Variants in TSEN15 observed in about 807,000 individuals in gnomAD.
The protein encoded by TSEN15 is tRNA-splicing endonuclease subunit Sen15.
TSEN15 carries 10 observed loss-of-function variants against 20.5 expected under a neutral mutation model. That is an observed-to-expected ratio of 0.49 (90% confidence interval 0.30 to 0.83). The LOEUF is 0.83. Ranked by LOEUF, TSEN15 falls within the 40% of genes least tolerant of loss-of-function variation. TSEN15 has a pLI of 0.06. For missense variants in TSEN15, 180 were observed against 218.6 expected, an observed-to-expected ratio of 0.82 and a Z score of 1.11; for synonymous variants, 72 against 80.1, an observed-to-expected ratio of 0.90 and a Z score of 0.54.
Position 184,072,844 on chromosome 1 carries a change from A to G in TSEN15, c.513A>G (p.Arg171=), listed in dbSNP as rs1244558468. 2 of 1,606,376 alleles carry G rather than the reference A, an allele frequency of 1.2e-6. No homozygotes were observed. The highest frequency in any genetic ancestry group is 8.5e-7 in the Non-Finnish European group (1 of 1,177,582). The change falls in exon 5 of 5, where the codon AGA becomes AGG. Residue 171 remains arginine (R), a synonymous_variant. Coordinates refer to ENST00000645668, the MANE Select transcript of TSEN15 (RefSeq NM_052965.4). The stretch of plus-strand genomic sequence containing the variant: ...TTTTCCAGAATATTTCTCTTAGAAG[A>G]TGACATCCATGTTTCCTGATGCTTG... ...LPDPQNISLR[R]
At chr1:184,085,048 A>G (rs1651235915) in intron 3 of TSEN15, among the ~76,000 whole-genome samples, 1 of 152,108 alleles carries the variant, frequency 6.6e-6, no homozygotes, top group Non-Finnish European at 1.5e-5. Flanking sequence ...TTGCATAGGA[A>G]TAAGATAAAC....
downstream of TSEN15, among the ~76,000 whole-genome samples, chr1:184,075,562 T>C (rs565310430): frequency 6.6e-6 from 1 of 152,222 alleles, no homozygotes; most frequent in South Asian, 2.1e-4. Context: ...TGTCTGATTA[T>C]ATAATGGCTT....
chr1:184,051,954 G>C, intron 1 of TSEN15, 64 bp downstream of exon 1: 3 of 1,362,056 alleles, frequency 2.2e-6, no homozygotes, highest in African/African-American at 1.5e-5. Flanking sequence ...ACACTCCCAG[G>C]CAGCTCTCTT....
intron 1 of TSEN15, among the ~76,000 whole-genome samples, chr1:184,052,730 C>T (rs1650100685): frequency 6.6e-6 from 1 of 152,122 alleles, no homozygotes; most frequent in African/African-American, 2.4e-5. Context: ...TACTCTGTCC[C>T]CTTCATCCTC....
chr1:184,067,941 A>T (rs867249191), intron 3 of TSEN15, among the ~76,000 whole-genome samples: 227 of 95,542 alleles, frequency 2.4e-3, no homozygotes, highest in Admixed American at 4.1e-3. Flanking sequence ...AAAAAAAAAA[A>T]ATATATATAT....
intron 1 of TSEN15, among the ~76,000 whole-genome samples, chr1:184,053,701 G>T (rs981089651): frequency 1.1e-4 from 17 of 152,188 alleles, no homozygotes; most frequent in African/African-American, 4.1e-4. Context: ...CTGACCAGTA[G>T]TCTGAAAGAA....
At chr1:184,080,332 G>C (rs1047898207) in intron 3 of TSEN15, among the ~76,000 whole-genome samples, 2 of 152,192 alleles carry the variant, frequency 1.3e-5, no homozygotes, top group Non-Finnish European at 2.9e-5. Flanking sequence ...GGCACAAGTG[G>C]TTAAGTAATA....
At chr1:184,067,071 T>G (rs1198816453) in intron 3 of TSEN15, among the ~76,000 whole-genome samples, 1 of 152,258 alleles carries the variant, frequency 6.6e-6, no homozygotes, top group Non-Finnish European at 1.5e-5. Flanking sequence ...CAATTGTTTA[T>G]TGCTGATATA....
intron 3 of TSEN15, among the ~76,000 whole-genome samples, chr1:184,081,512 A>G (rs946319743): frequency 1.3e-5 from 2 of 152,198 alleles, no homozygotes; most frequent in African/African-American, 4.8e-5. Context: ...ACCTCAAGAA[A>G]GAGGGGAAGT....
chr1:184,053,040 A>G (rs1055613694), intron 1 of TSEN15, among the ~76,000 whole-genome samples: 2 of 152,228 alleles, frequency 1.3e-5, no homozygotes, highest in African/African-American at 4.8e-5. Flanking sequence ...AAAGCACTAT[A>G]TAAGTACTTA....
Position 184,082,372 on chromosome 1 carries a change from G to C in TSEN15, c.354-13318G>C, listed in dbSNP as rs181887807. 1.2e-3 allele frequency among the ~76,000 whole-genome samples: 185 copies of C among 152,088 alleles called. 1 individual carries two copies. The highest frequency in any genetic ancestry group is 4.2e-3 in the African/African-American group (173 of 41,480). ...GTTGGGGAACTTTCAGGCTGTTTTG[G>C]GTCCTCTCCATCTAGATACACTTTC... On this transcript the variant is annotated intron_variant, in intron 3 of 3. Coordinates refer to the TSEN15 transcript ENST00000643231.
intron 3 of TSEN15, 153 bp downstream of exon 3, chr1:184,055,016 A>T (rs942764126): frequency 1.2e-6 from 1 of 806,124 alleles, no homozygotes; most frequent in Non-Finnish European, 1.9e-6. Flanking sequence ...TGAGTGTTGT[A>T]TTCGGCCATT....
At chr1:184,079,674 C>A (rs1450888124) in intron 3 of TSEN15, among the ~76,000 whole-genome samples, 1 of 152,134 alleles carries the variant, frequency 6.6e-6, no homozygotes, top group Non-Finnish European at 1.5e-5. Flanking sequence ...AGGGCCCCAT[C>A]CTTATGACAT....
At chr1:184,077,441 A>G (rs1471359637), downstream of TSEN15, among the ~76,000 whole-genome samples, 2 of 152,178 alleles carry the variant, frequency 1.3e-5, no homozygotes, top group African/African-American at 4.8e-5. Flanking sequence ...GACATATACA[A>G]GGAGATTAAT....
At chr1:184,088,575 TGTTTTTTGTA>T (rs1355666103) in intron 3 of TSEN15, among the ~76,000 whole-genome samples, 4 of 135,796 alleles carry the variant, frequency 2.9e-5, no homozygotes, top group Non-Finnish European at 1.6e-5. Flanking sequence ...AAGAAAAAAA[TGTTTTTTGTA>T]TTTTTTTTTT....
chr1:184,052,367 T>G (rs1229901763), intron 1 of TSEN15, among the ~76,000 whole-genome samples: 1 of 152,164 alleles, frequency 6.6e-6, no homozygotes, highest in Non-Finnish European at 1.5e-5. Context: ...TTCCTAATAT[T>G]TCAGATTTCT....
At chr1:184,087,298 CTT>C (rs1651278820) in intron 3 of TSEN15, among the ~76,000 whole-genome samples, 1 of 152,072 alleles carries the variant, frequency 6.6e-6, no homozygotes, top group Admixed American at 6.6e-5. Flanking sequence ...ATTTTAGACT[CTT>C]TTTTCTTTTT....
intron 3 of TSEN15, chr1:184,070,615 G>A: frequency 3.2e-6 from 4 of 1,243,850 alleles, no homozygotes; most frequent in Non-Finnish European, 4.2e-6. Flanking sequence ...TATTAATTTA[G>A]ATATTGGCGT....
chr1:184,053,490 A>T (rs562261655), intron 1 of TSEN15, among the ~76,000 whole-genome samples: 9 of 152,334 alleles, frequency 5.9e-5, no homozygotes, highest in Admixed American at 2.0e-4. Context: ...TGAAGTCGAC[A>T]ACTAATTAAC....
Sources: gnomAD v4.1 joint callset for allele counts (sites outside exome capture counted in the v4.1 genomes callset) on GRCh38, gnomAD v4.1.1 for gene constraint, MANE v1.5 for transcripts, NCBI Gene and HGNC (gene_info 2026-07-23, HGNC 2026-07-21) for gene names.